CLCN7: variants seen among roughly 807,000 people sequenced by gnomAD.
CLCN7 encodes the protein Cl-/H+ antiporter 7, also known as H(+)/Cl(-) exchange transporter 7.
In CLCN7, 60 loss-of-function variants were observed where a neutral mutation model predicts 102.1. The ratio of observed to expected loss-of-function variants is 0.59; its 90% CI spans 0.48 to 0.73. The LOEUF (loss-of-function observed/expected upper bound fraction) is 0.73. CLCN7 is among the 30% of genes least tolerant of loss of function. The pLI is 0.00. For missense variants in CLCN7, 962 were observed against 1,125.7 expected (o/e 0.85, Z 2.08); for synonymous variants, 560 against 490.5 (o/e 1.14, Z -1.87).
chr16:1,470,478 G>A (rs948883110), intron 1 of CLCN7, among the ~76,000 whole-genome samples: 5 of 152,310 alleles, frequency 3.3e-5, no homozygotes, highest in African/African-American at 1.2e-4. Flanking sequence ...CGGGGGGATG[G>A]GGGTTACAGT....
intron 2 of CLCN7, among the ~76,000 whole-genome samples, chr16:1,463,645 C>T (rs902960712): frequency 6.6e-5 from 10 of 152,052 alleles, no homozygotes; most frequent in Admixed American, 1.3e-4. Context: ...GGCTAATTTT[C>T]GTTTTTGTTT....
In CLCN7 at chr16:1,455,223, TGA is replaced by T. The variant is rs2038815979; in HGVS notation, c.1007_1008del (p.Phe336TyrfsTer28). ...TAAATGCTCAGAACAAAATTCAGGG[TGA>T]ACGTGGAGATCATGGAAGCAAAGAA... ...RIFFASMIST[F>X]TLNFVLSIYH... On this transcript the variant is annotated frameshift_variant, in exon 12 of 25. Transcript: ENST00000382745. LOFTEE classifies it high-confidence loss of function. 1 of 1,613,036 alleles carries T rather than the reference TGA, an allele frequency of 6.2e-7. No individual in the cohort carries two copies. The highest frequency in any genetic ancestry group is 8.5e-7 in the Non-Finnish European group (1 of 1,179,454).
At chr16:1,452,076 C>G (rs899858937) in intron 15 of CLCN7, 2 of 339,074 alleles carry the variant, frequency 5.9e-6, no homozygotes, top group Non-Finnish European at 1.2e-5. Flanking sequence ...TGTTGGCGCC[C>G]CGGTGCCACA....
In CLCN7 at chr16:1,447,584, C is replaced by T. The variant is rs1299463033; in HGVS notation, c.2074-16G>A. The T allele has an allele frequency of 3.2e-6, 5 of 1,553,262 alleles. No individual in the cohort carries two copies. Among genetic ancestry groups the T allele is most frequent in the Non-Finnish European group, 4.4e-6 (5 of 1,148,626 alleles). The stretch of plus-strand genomic sequence containing the variant: ...CCACAAACACCTGCGGGCGGCAGAG[C>T]CCTGTGTCAGGCACCCAGGCAGCAC... On this transcript the variant is annotated splice_polypyrimidine_tract_variant and intron_variant, in intron 22 of 24. Coordinates refer to ENST00000382745, the MANE Select transcript of CLCN7 (RefSeq NM_001287.6).
At chr16:1,455,525 C>A in intron 11 of CLCN7, 1 of 683,498 alleles carries the variant, frequency 1.5e-6, no homozygotes, top group Non-Finnish European at 2.6e-6. Flanking sequence ...GGGAGCCACC[C>A]AGGGCTGGCA....
At chr16:1,448,583 G>A (rs972719884) in intron 20 of CLCN7, 98 bp downstream of exon 20, 33 of 1,600,276 alleles carry the variant, frequency 2.1e-5, no homozygotes, top group Admixed American at 1.8e-4. Flanking sequence ...GACAGGAAAC[G>A]CGGGGCTGCC....
Position 1,461,602 on chromosome 16 carries a change from C to T in CLCN7, c.285+1G>A. 6.2e-7 allele frequency: 1 copy of T among 1,614,062 alleles called. No homozygotes were observed. The highest frequency in any genetic ancestry group is 8.5e-7 in the Non-Finnish European group (1 of 1,179,968). ...GGTCAGGGGGACAGAAGGACGCCCACCTCATACTTGAGGGACAGGAGCTTC... is the reference window on the plus strand; with the variant it reads ...GGTCAGGGGGACAGAAGGACGCCCATCTCATACTTGAGGGACAGGAGCTTC... On this transcript the variant is annotated splice_donor_variant, in intron 3 of 24. Transcript: ENST00000382745. LOFTEE classifies it high-confidence loss of function.
intron 15 of CLCN7, 28 bp from the exon 16 acceptor site, chr16:1,451,744 G>C (rs201316798): frequency 3.1e-6 from 5 of 1,588,150 alleles, no homozygotes; most frequent in Non-Finnish European, 4.3e-6. Context: ...AGCACACGTT[G>C]GGAGGGGAGA....
intron 11 of CLCN7, 81 bp from the exon 12 acceptor site, chr16:1,455,331 C>T (rs1007352512): frequency 1.1e-6 from 1 of 935,308 alleles, no homozygotes; most frequent in Non-Finnish European, 1.8e-6. Context: ...GACCATCGCC[C>T]CTCCTGTCAG....
intron 1 of CLCN7, among the ~76,000 whole-genome samples, chr16:1,469,732 T>G (rs2039051124): frequency 6.6e-6 from 1 of 151,786 alleles, no homozygotes; most frequent in African/African-American, 2.4e-5. Flanking sequence ...AAAACAAACA[T>G]AAAAAAGCAG....
In CLCN7 at chr16:1,451,647, C is replaced by A. The variant is rs1413097834; in HGVS notation, c.1423G>T (p.Val475Leu). 1.2e-6 allele frequency: 2 copies of A among 1,612,486 alleles called. No individual in the cohort carries two copies. The highest frequency in any genetic ancestry group is 2.2e-5 in the South Asian group (2 of 91,072). ...CCTGGCGGGTCGTGGAAGAGGCTCA[C>A]CACGCTCTTCTCCGGGGTGTTGAAG... ...AFFNTPEKSV[V>L]SLFHDPPGSY... The change falls in exon 16 of 25, where the codon GTG becomes TTG. Residue 475 changes from valine to leucine, a missense_variant. By Grantham distance (32) the Val-to-Leu change is conservative. This residue lies in a region of CLCN7 where 799 missense variants were observed against 988.0 expected (regional missense o/e 0.81). Transcript: ENST00000382745.
intron 14 of CLCN7, among the ~76,000 whole-genome samples, chr16:1,453,429 G>C (rs567553174): frequency 6.6e-6 from 1 of 152,218 alleles, no homozygotes; most frequent in Non-Finnish European, 1.5e-5. Flanking sequence ...CGCTACCCGT[G>C]CCCCGGCTGT....
chr16:1,456,074 G>A (rs1044648259), intron 10 of CLCN7, 39 bp downstream of exon 10: 3 of 1,468,090 alleles, frequency 2.0e-6, no homozygotes. Context: ...AACACACAGG[G>A]CGAGGGCAAA....
rs528297027 is a variant in CLCN7, at chr16:1,448,873, C to A, written c.1797+93G>T. On this transcript the variant is annotated intron_variant, in intron 19 of 24. Coordinates refer to ENST00000382745, the MANE Select transcript of CLCN7 (RefSeq NM_001287.6). ...GCCGCCCCCAGAAACCCTGAGCCTA[C>A]CCCCCGGGACCGGCTGTTTGGAGGC... 13,375 of 1,594,160 alleles carry A rather than the reference C, an allele frequency of 8.4e-3. 81 individuals carry two copies. The highest frequency in any genetic ancestry group is 9.9e-3 in the Non-Finnish European group (11,577 of 1,172,008).
In CLCN7 at chr16:1,468,339, GCATCA is replaced by G. The variant is rs531724563; in HGVS notation, c.142-3006_142-3002del. ...GGGTGAGGGGTTGCCCCCCAGCAGGGCATCAGCTGCCCCTGCCCGGAGTGAAAGGA... is the reference window on the plus strand; with the variant it reads ...GGGTGAGGGGTTGCCCCCCAGCAGGGGCTGCCCCTGCCCGGAGTGAAAGGA... On this transcript the variant is annotated intron_variant, in intron 1 of 24. Transcript: ENST00000382745. Among the ~76,000 whole-genome samples the G allele has an allele frequency of 2.8e-4, 42 of 152,350 alleles. 2 individuals carry two copies. In the South Asian group the frequency reaches 8.7e-3, roughly 32 times the overall value.
intron 23 of CLCN7, 130 bp downstream of exon 23, chr16:1,447,262 T>G: frequency 8.3e-7 from 1 of 1,206,298 alleles, no homozygotes; most frequent in Non-Finnish European, 1.2e-6. Context: ...TGCCAGGCCC[T>G]TCACAGGAGA....
In CLCN7 at chr16:1,449,530, C is replaced by T. The variant is rs913193953; in HGVS notation, c.1618-203G>A. Reference sequence around the variant, plus strand: ...TCCTTGGCCTGAACCAGGCGCTCAGCACCCGAGCAACAGGGGAGTGGCAGG... The same window carrying T: ...TCCTTGGCCTGAACCAGGCGCTCAGTACCCGAGCAACAGGGGAGTGGCAGG... On this transcript the variant is annotated intron_variant, in intron 17 of 24. Coordinates refer to ENST00000382745, the MANE Select transcript of CLCN7 (RefSeq NM_001287.6). The T allele has an allele frequency of 9.8e-6, 6 of 612,692 alleles. No individual in the cohort carries two copies. In the African/African-American group the frequency reaches 1.1e-4, roughly 11 times the overall value. 38.0% of individuals were successfully genotyped at this position (612,692 alleles called of 1,614,324 possible).
At chr16:1,455,311 G>A (rs1030116642) in intron 11 of CLCN7, 61 bp from the exon 12 acceptor site, 13 of 1,027,846 alleles carry the variant, frequency 1.3e-5, no homozygotes, top group Non-Finnish European at 1.9e-5. Context: ...AGGGCTCACG[G>A]ACCAGCAGGG....
At chr16:1,458,925 T>C (rs1236216193) in intron 7 of CLCN7, among the ~76,000 whole-genome samples, 182 bp downstream of exon 7, 2 of 152,206 alleles carry the variant, frequency 1.3e-5, no homozygotes, top group Non-Finnish European at 1.5e-5. Flanking sequence ...CAAATACCAG[T>C]TGTTACCACT....
Sources: allele counts gnomAD v4.1 joint callset (sites outside exome capture counted in the v4.1 genomes callset), GRCh38; gene constraint gnomAD v4.1.1; regional missense constraint gnomAD v4.1.1; transcripts MANE v1.5; gene names NCBI Gene and HGNC (gene_info 2026-07-23, HGNC 2026-07-21).